INPP4A: variants seen among roughly 807,000 people sequenced by gnomAD.
The protein encoded by INPP4A is inositol polyphosphate-4-phosphatase, type I, 107kD.
A neutral mutation model predicts 119.8 loss-of-function variants in INPP4A; 33 were observed. The observed-to-expected ratio is 0.28, with a 90% confidence interval of 0.21 to 0.37. INPP4A has a LOEUF of 0.37. Ranked by LOEUF, INPP4A falls within the 10% of genes least tolerant of loss-of-function variation. The probability of loss-of-function intolerance (pLI) is 1.00; values close to 1 mark genes in which losing one functional copy is unlikely to be tolerated. For synonymous variants in INPP4A, 496 were observed against 500.7 expected (o/e 0.99, Z 0.12); for missense variants, 956 against 1,289.9 (o/e 0.74, Z 3.97).
chr2:98,568,871 A>T (rs1575125687), intron 22 of INPP4A: 1 of 547,600 alleles, frequency 1.8e-6, no homozygotes, highest in African/African-American at 1.9e-5. Flanking sequence ...TTTGCTGTCG[A>T]TTCTCTACTA....
intron 1 of INPP4A, among the ~76,000 whole-genome samples, chr2:98,461,285 A>C (rs920015152): frequency 2.6e-5 from 4 of 152,176 alleles, no homozygotes; most frequent in Non-Finnish European, 5.9e-5. Context: ...AGGCAAACAG[A>C]GTGGAAGGAG....
intron 1 of INPP4A, among the ~76,000 whole-genome samples, chr2:98,495,690 C>A (rs937989269): frequency 6.6e-6 from 1 of 152,126 alleles, no homozygotes; most frequent in Non-Finnish European, 1.5e-5. Context: ...TAAGTTATTA[C>A]CTGAAGACCT....
In INPP4A at chr2:98,538,988, A is replaced by T. The variant is rs1690868727; in HGVS notation, c.670+7A>T. 6.3e-7 allele frequency: 1 copy of T among 1,582,832 alleles called. No homozygotes were observed. The highest frequency in any genetic ancestry group is 8.7e-7 in the Non-Finnish European group (1 of 1,155,338). On this transcript the variant is annotated splice_region_variant and intron_variant, in intron 9 of 24. Coordinates refer to ENST00000409851, the MANE Select transcript of INPP4A (RefSeq NM_001134225.2). ...GACACTTTGCTGAAATCGGGTAAAC[A>T]GCTTCCTCCTTTGGTATTCTTGCCT... is the stretch of plus-strand genomic sequence containing the variant.
chr2:98,446,029 C>T (rs1317643008), intron 1 of INPP4A, among the ~76,000 whole-genome samples: 1 of 152,196 alleles, frequency 6.6e-6, no homozygotes, highest in Non-Finnish European at 1.5e-5. Context: ...CTGACTGGTC[C>T]ATCTGTTCAC....
At chr2:98,485,331 T>C (rs1679317456) in intron 1 of INPP4A, among the ~76,000 whole-genome samples, 1 of 152,240 alleles carries the variant, frequency 6.6e-6, no homozygotes. Context: ...AAAGGCAGGA[T>C]GCCAAATCTT....
At chr2:98,538,004 T>TGCTCTTTCTAAGGG in intron 8 of INPP4A, 30 bp downstream of exon 8, 1 of 1,416,512 alleles carries the variant, frequency 7.1e-7, no homozygotes, top group Non-Finnish European at 9.9e-7. Flanking sequence ...TCCTCTCCCT[T>TGCTCTTTCTAAGGG]AGAAAGAGCA....
intron 1 of INPP4A, among the ~76,000 whole-genome samples, chr2:98,466,920 C>G (rs1020842801): frequency 1.3e-5 from 2 of 152,154 alleles, no homozygotes; most frequent in Non-Finnish European, 2.9e-5. Context: ...TGGATGTTCT[C>G]TTAGTCTGTT....
At position 98,502,634 on chromosome 2, in the gene INPP4A, T is replaced by C. The variant is rs527991630; in HGVS notation, c.-165-16330T>C. Among the ~76,000 whole-genome samples the C allele has an allele frequency of 2.0e-5, 3 of 152,308 alleles. No homozygotes were observed. In the East Asian group the frequency reaches 5.8e-4, roughly 29 times the overall value. The stretch of plus-strand genomic sequence containing the variant: ...AGATAATGGTGAAAGTACCTCAACA[T>C]TGTCTTATTTTCACATTGATATTCC... On this transcript the variant is annotated intron_variant, in intron 1 of 24. Coordinates refer to ENST00000409851, the MANE Select transcript of INPP4A (RefSeq NM_001134225.2).
chr2:98,448,709 C>CTTT (rs1211225577), intron 1 of INPP4A, among the ~76,000 whole-genome samples: 2 of 76,816 alleles, frequency 2.6e-5, no homozygotes, highest in African/African-American at 4.4e-5. Flanking sequence ...CTCTCTCTCT[C>CTTT]TTTTTTTTTT....
chr2:98,535,677 T>C lies in INPP4A; in HGVS notation c.271-52T>C, dbSNP rs1690119110. On this transcript the variant is annotated intron_variant, in intron 5 of 24. Coordinates refer to ENST00000409851, the MANE Select transcript of INPP4A (RefSeq NM_001134225.2). The stretch of plus-strand genomic sequence containing the variant: ...AATGTTGGTGTATTTCAAAAGCAAT[T>C]ACATTTTAAAAATCCAACCCTGTGT... 7 of 782,340 alleles carry C rather than the reference T, an allele frequency of 8.9e-6. No individual in the cohort carries two copies. In the East Asian group the frequency reaches 2.0e-4, roughly 22 times the overall value. The allele number at this position is 782,340 out of a possible 1,614,324, so 48.5% of individuals were successfully genotyped here.
chr2:98,549,770 CCT>C (rs1693163673), intron 13 of INPP4A, among the ~76,000 whole-genome samples: 1 of 151,780 alleles, frequency 6.6e-6, no homozygotes, highest in African/African-American at 2.4e-5. Flanking sequence ...CAGGCTGAGG[CCT>C]CTCAACTTCC....
intron 1 of INPP4A, among the ~76,000 whole-genome samples, chr2:98,500,050 T>C (rs1682811361): frequency 6.6e-6 from 1 of 152,208 alleles, no homozygotes; most frequent in Admixed American, 6.5e-5. Context: ...TCAGGCCGTG[T>C]CATTCTCCAG....
intron 1 of INPP4A, among the ~76,000 whole-genome samples, chr2:98,505,181 G>A (rs1480108958): frequency 6.6e-6 from 1 of 152,226 alleles, no homozygotes; most frequent in Non-Finnish European, 1.5e-5. Flanking sequence ...AGAACACAAA[G>A]CTTCCCATTT....
chr2:98,504,354 G>T (rs1483865397), intron 1 of INPP4A, among the ~76,000 whole-genome samples: 1 of 152,230 alleles, frequency 6.6e-6, no homozygotes, highest in Non-Finnish European at 1.5e-5. Flanking sequence ...TTTCAAACAG[G>T]ATTCCATTTT....
rs757914550 is a variant in INPP4A at position 98,588,820 on chromosome 2, G to A, written c.*1212G>A. The A allele has an allele frequency of 9.1e-5, 20 of 219,266 alleles. No homozygotes were observed. Among genetic ancestry groups the A allele is most frequent in the Non-Finnish European group, 1.7e-4 (19 of 109,586 alleles). 13.6% of individuals were successfully genotyped at this position (219,266 alleles called of 1,614,324 possible). A position where few individuals can be genotyped will look rare whatever the true frequency, so the allele number is the denominator to read the frequency against. On this transcript the variant is annotated 3_prime_UTR_variant, in exon 25 of 25. Coordinates refer to ENST00000409851, the MANE Select transcript of INPP4A (RefSeq NM_001134225.2). The stretch of plus-strand genomic sequence containing the variant: ...TATATGTTTTATTGATTCTGTTTAC[G>A]ATGTTTACATGTTCTTGAAAAGGTT...
intron 1 of INPP4A, among the ~76,000 whole-genome samples, chr2:98,471,930 A>C (rs1676108401): frequency 6.6e-6 from 1 of 152,152 alleles, no homozygotes; most frequent in Admixed American, 6.6e-5. Flanking sequence ...TGACTTTGAA[A>C]AGCTCTGGGA....
intron 1 of INPP4A, among the ~76,000 whole-genome samples, chr2:98,448,879 A>G (rs1184746555): frequency 3.3e-5 from 5 of 151,898 alleles, no homozygotes; most frequent in African/African-American, 1.2e-4. Context: ...ATTTTTAAAT[A>G]TTTTATAGGG....
At position 98,589,854 on chromosome 2, in the gene INPP4A, G is replaced by A. The variant is rs1408049373; in HGVS notation, c.*2246G>A. The A allele has an allele frequency of 5.2e-6, 1 of 192,928 alleles. No individual in the cohort carries two copies. The highest frequency in any genetic ancestry group is 6.1e-5 in the Admixed American group (1 of 16,336). The allele number at this position is 192,928 out of a possible 1,614,324, so 12.0% of individuals were successfully genotyped here. A position where few individuals can be genotyped will look rare whatever the true frequency, so the allele number is the denominator to read the frequency against. Reference sequence around the variant, plus strand: ...GATGCCTCCCCATTTAAAAAGAAAAGAGATCTATGGAAAACTGGGAATGTA... The same window carrying A: ...GATGCCTCCCCATTTAAAAAGAAAAAAGATCTATGGAAAACTGGGAATGTA... On this transcript the variant is annotated 3_prime_UTR_variant, in exon 25 of 25. Transcript: ENST00000409851.
intron 1 of INPP4A, among the ~76,000 whole-genome samples, chr2:98,514,067 A>G (rs995546319): frequency 6.6e-6 from 1 of 152,188 alleles, no homozygotes; most frequent in African/African-American, 2.4e-5. Flanking sequence ...GGTCTGGAAC[A>G]CTGTGGTAGA....
Sources: allele counts gnomAD v4.1 joint callset (sites outside exome capture counted in the v4.1 genomes callset), GRCh38; gene constraint gnomAD v4.1.1; transcripts MANE v1.5; gene names NCBI Gene and HGNC (gene_info 2026-07-23, HGNC 2026-07-21).